Variants in MFSD8 observed in about 807,000 individuals in gnomAD.
The protein encoded by MFSD8 is major facilitator superfamily domain containing 8.
MFSD8 carries 55 observed loss-of-function variants against 66.4 expected under a neutral mutation model. That is an observed-to-expected ratio of 0.83 (90% CI 0.67 to 1.04). The LOEUF is 1.04. Among genes scored for constraint, MFSD8 ranks in the 50% least tolerant of loss-of-function variants. The pLI is 0.00. For missense variants in MFSD8, 550 were observed against 627.6 expected (o/e 0.88, Z 1.32); for synonymous variants, 202 against 212.8 (o/e 0.95, Z 0.44).
In MFSD8 at chr4:127,918,323, C is replaced by A. The variant is rs1736031438; in HGVS notation, c.*2307G>T. ...CCCAATCCCATGTTACTTCCTTTCG[C>A]CTTCTTTTGTGCCAAGATGAGCAAG... On this transcript the variant is annotated 3_prime_UTR_variant, in exon 12 of 12. Coordinates refer to ENST00000641686, the MANE Select transcript of MFSD8 (RefSeq NM_001371596.2). 1 of 152,110 alleles carries A rather than the reference C, an allele frequency of 6.6e-6. No individual in the cohort carries two copies. The highest frequency in any genetic ancestry group is 2.4e-5 in the African/African-American group (1 of 41,428). 9.4% of individuals were successfully genotyped at this position (152,110 alleles called of 1,614,324 possible).
chr4:127,951,479 T>TTGCC (rs1741952980), intron 2 of MFSD8, among the ~76,000 whole-genome samples: 1 of 152,098 alleles, frequency 6.6e-6, no homozygotes, highest in Non-Finnish European at 1.5e-5. Flanking sequence ...TCTGCCTGCC[T>TTGCC]TGCCTCCCAA....
intron 7 of MFSD8, among the ~76,000 whole-genome samples, 165 bp downstream of exon 7, chr4:127,938,618 A>T (rs1306744879): frequency 4.1e-4 from 62 of 149,802 alleles, no homozygotes; most frequent in South Asian, 1.9e-3. Context: ...TAAATAAATA[A>T]ATAAATAAAT....
chr4:127,944,834 TA>T (rs1457787258), intron 3 of MFSD8, among the ~76,000 whole-genome samples: 2 of 152,050 alleles, frequency 1.3e-5, no homozygotes, highest in African/African-American at 4.8e-5. Context: ...CTAATTTTTT[TA>T]TTTTTGTAGA....
chr4:127,925,559 G>C (rs1468569804), intron 9 of MFSD8, among the ~76,000 whole-genome samples: 1 of 152,214 alleles, frequency 6.6e-6, no homozygotes, highest in Non-Finnish European at 1.5e-5. Context: ...ACACCAGTTA[G>C]AGTGGCAATC....
Position 127,919,113 on chromosome 4 carries a change from C to A in MFSD8, c.*1517G>T, listed in dbSNP as rs1437430127. 4.6e-5 allele frequency: 7 copies of A among 152,292 alleles called. No individual in the cohort carries two copies. The highest frequency in any genetic ancestry group is 4.6e-4 in the Admixed American group (7 of 15,296). 9.4% of individuals were successfully genotyped at this position (152,292 alleles called of 1,614,324 possible). On this transcript the variant is annotated 3_prime_UTR_variant, in exon 12 of 12. Transcript: ENST00000641686. ...TTCAAAATTTAATCGTAGAATAATT[C>A]TATCAAATTAAGCCCTTTATTAGAG... is the stretch of plus-strand genomic sequence containing the variant.
intron 9 of MFSD8, among the ~76,000 whole-genome samples, chr4:127,928,222 A>G (rs1173231653): frequency 6.6e-6 from 1 of 151,918 alleles, no homozygotes; most frequent in Non-Finnish European, 1.5e-5. Flanking sequence ...CTCTATTTTT[A>G]GTAGAAAAAT....
chr4:127,921,102 A>G (rs753216251), intron 11 of MFSD8: 75 of 564,252 alleles, frequency 1.3e-4, no homozygotes, highest in Non-Finnish European at 1.3e-4. Context: ...TTTTAAAGCT[A>G]ACATTTATTT....
At chr4:127,950,042 T>G (rs965662235) in intron 2 of MFSD8, among the ~76,000 whole-genome samples, 195 bp from the exon 3 acceptor site, 1 of 152,206 alleles carries the variant, frequency 6.6e-6, no homozygotes, top group Non-Finnish European at 1.5e-5. Flanking sequence ...ACAATTACAG[T>G]CCCTCATCAT....
At chr4:127,929,114 G>A (rs1041040285) in intron 9 of MFSD8, among the ~76,000 whole-genome samples, 2 of 151,636 alleles carry the variant, frequency 1.3e-5, no homozygotes, top group African/African-American at 2.4e-5. Flanking sequence ...GAGGTCAGGA[G>A]ATCGAGACCA....
intron 2 of MFSD8, among the ~76,000 whole-genome samples, chr4:127,952,483 G>C (rs1024656240): frequency 6.6e-6 from 1 of 152,110 alleles, no homozygotes; most frequent in African/African-American, 2.4e-5. Flanking sequence ...ACTTTGATCA[G>C]TAAAGGACTG....
intron 7 of MFSD8, chr4:127,934,499 CTG>C (rs1490291147): frequency 6.6e-6 from 1 of 151,702 alleles, no homozygotes; most frequent in Non-Finnish European, 1.5e-5. Flanking sequence ...ATTCATCACA[CTG>C]TTTTGTAATT....
At chr4:127,963,473 C>A (rs1744173097) in intron 1 of MFSD8, among the ~76,000 whole-genome samples, 1 of 152,052 alleles carries the variant, frequency 6.6e-6, no homozygotes, top group African/African-American at 2.4e-5. Context: ...TAAGGTGGCA[C>A]GTCTGGAGTT....
At chr4:127,964,430 G>C (rs1744573873) in intron 1 of MFSD8, among the ~76,000 whole-genome samples, 1 of 152,226 alleles carries the variant, frequency 6.6e-6, no homozygotes, top group Non-Finnish European at 1.5e-5. Context: ...AGCGCCAGTG[G>C]GCTGGCACTG....
chr4:127,926,091 G>A (rs922406239), intron 9 of MFSD8, among the ~76,000 whole-genome samples: 3 of 151,740 alleles, frequency 2.0e-5, no homozygotes, highest in Non-Finnish European at 2.9e-5. Flanking sequence ...ATTGCGGGGT[G>A]GGGGGCTAGA....
At chr4:127,927,111 T>G (rs1027688508) in intron 9 of MFSD8, among the ~76,000 whole-genome samples, 1 of 152,196 alleles carries the variant, frequency 6.6e-6, no homozygotes, top group African/African-American at 2.4e-5. Context: ...AATGTGAGTG[T>G]TGGAGTGTGT....
intron 3 of MFSD8, among the ~76,000 whole-genome samples, chr4:127,948,587 A>C (rs1741454322): frequency 1.3e-5 from 2 of 152,084 alleles, no homozygotes; most frequent in African/African-American, 4.8e-5. Flanking sequence ...TACTTGAATT[A>C]TTTCTTTCAG....
chr4:127,940,044 T>A, intron 5 of MFSD8, 47 bp from the exon 6 acceptor site: 1 of 1,534,568 alleles, frequency 6.5e-7, no homozygotes, highest in Non-Finnish European at 9.0e-7. Context: ...ATGAGAAGCA[T>A]AGGATAAAAA....
chr4:127,943,673 T>C, intron 4 of MFSD8, 79 bp downstream of exon 4: 1 of 1,532,134 alleles, frequency 6.5e-7, no homozygotes, highest in Non-Finnish European at 9.0e-7. Flanking sequence ...TAAAAGGGGA[T>C]GAGACCAGTT....
intron 2 of MFSD8, among the ~76,000 whole-genome samples, chr4:127,952,222 A>G (rs1742103748): frequency 6.6e-6 from 1 of 151,390 alleles, no homozygotes; most frequent in Non-Finnish European, 1.5e-5. Context: ...TGGCTAACAC[A>G]GTGAAACCCT....
Sources: allele counts gnomAD v4.1 joint callset (sites outside exome capture counted in the v4.1 genomes callset), GRCh38; gene constraint gnomAD v4.1.1; transcripts MANE v1.5; gene names NCBI Gene and HGNC (gene_info 2026-07-23, HGNC 2026-07-21).